Variants in PRKCE observed in about 807,000 individuals in gnomAD.
PRKCE encodes protein kinase C epsilon.
PRKCE carries 16 observed loss-of-function variants against 85.4 expected under a neutral mutation model. That is an observed-to-expected ratio of 0.19 (90% CI 0.13 to 0.28). The LOEUF (loss-of-function observed/expected upper bound fraction) is 0.28. Ranked by LOEUF, PRKCE falls within the 10% of genes least tolerant of loss-of-function variation. The probability of loss-of-function intolerance (pLI) is 1.00; values close to 1 mark genes in which losing one functional copy is unlikely to be tolerated. For synonymous variants in PRKCE, 388 were observed against 371.5 expected (o/e 1.04, Z -0.51); for missense variants, 573 against 975.2 (o/e 0.59, Z 5.49).
At chr2:45,761,190 G>A (rs535275385) in intron 1 of PRKCE, among the ~76,000 whole-genome samples, 2 of 152,110 alleles carry the variant, frequency 1.3e-5, no homozygotes, top group East Asian at 1.9e-4. Flanking sequence ...AGCCGAGTGT[G>A]GTGGTGGGCG....
chr2:45,858,569 GC>G (rs1692870574), intron 2 of PRKCE, among the ~76,000 whole-genome samples: 1 of 152,080 alleles, frequency 6.6e-6, no homozygotes, highest in African/African-American at 2.4e-5. Flanking sequence ...GTGCCTTTCA[GC>G]CCCTGGGCAC....
intron 1 of PRKCE, among the ~76,000 whole-genome samples, chr2:45,761,056 G>A (rs1481312695): frequency 1.3e-5 from 2 of 152,060 alleles, no homozygotes; most frequent in Non-Finnish European, 2.9e-5. Flanking sequence ...GGCCGGGCAT[G>A]GTGGCTCACG....
rs539973753 is a variant in PRKCE at position 45,866,145 on chromosome 2, G to A, written c.412+23082G>A. ...GTTCGTTTTCTTTATAAATTACCCAGTCCCAGATATTTTGTTACAGCAGCA... is the reference window on the plus strand; with the variant it reads ...GTTCGTTTTCTTTATAAATTACCCAATCCCAGATATTTTGTTACAGCAGCA... On this transcript the variant is annotated intron_variant, in intron 2 of 14. Coordinates refer to ENST00000306156, the MANE Select transcript of PRKCE (RefSeq NM_005400.3). 2.0e-5 allele frequency among the ~76,000 whole-genome samples: 3 copies of A among 152,126 alleles called. No individual in the cohort carries two copies. In the East Asian group the frequency reaches 5.8e-4, roughly 29 times the overall value.
At chr2:46,118,186 G>C (rs1029571996) in intron 11 of PRKCE, among the ~76,000 whole-genome samples, 1 of 152,218 alleles carries the variant, frequency 6.6e-6, no homozygotes. Context: ...CAACTGGAGA[G>C]ACTCCTTTGA....
Position 45,905,777 on chromosome 2 carries a change from G to A in PRKCE, c.412+62714G>A, listed in dbSNP as rs1170980236. ...CCGGCCCATGCTCTTTATAGTCCCT[G>A]AACACACGTGTTGACCTGAACTGCT... On this transcript the variant is annotated intron_variant, in intron 2 of 14. Coordinates refer to ENST00000306156, the MANE Select transcript of PRKCE (RefSeq NM_005400.3). This position sits in a 1 kb window ranked among gnomAD's most constrained non-coding sequence, Gnocchi z 4.4. Among the ~76,000 whole-genome samples the A allele has an allele frequency of 6.6e-6, 1 of 152,204 alleles. No homozygotes were observed. Among genetic ancestry groups the A allele is most frequent in the Non-Finnish European group, 1.5e-5 (1 of 68,038 alleles).
chr2:45,890,685 C>G (rs1695659733), intron 2 of PRKCE, among the ~76,000 whole-genome samples: 1 of 152,140 alleles, frequency 6.6e-6, no homozygotes, highest in Non-Finnish European at 1.5e-5. Flanking sequence ...CTGGTCTTTT[C>G]AAAACTTTCT....
In PRKCE at chr2:46,187,595, A is replaced by T. The variant is rs1219369045; in HGVS notation, c.*2714A>T. 6.6e-6 allele frequency: 1 copy of T among 152,560 alleles called. No homozygotes were observed. Among genetic ancestry groups the T allele is most frequent in the Non-Finnish European group, 1.5e-5 (1 of 68,036 alleles). 9.5% of individuals were successfully genotyped at this position (152,560 alleles called of 1,614,324 possible). ...AAAAAAAAAATGGGAGTGCAAAAAA[A>T]ACAAAGCCAAAAAATATATGAAGGA... On this transcript the variant is annotated 3_prime_UTR_variant, in exon 15 of 15. Transcript: ENST00000306156.
chr2:45,882,883 T>TTGGAAG (rs1694984762), intron 2 of PRKCE, among the ~76,000 whole-genome samples: 1 of 152,226 alleles, frequency 6.6e-6, no homozygotes, highest in Non-Finnish European at 1.5e-5. Context: ...GCAAGCAGGC[T>TTGGAAG]CCCTGCAAAA....
chr2:45,909,445 G>A (rs1337037946), intron 2 of PRKCE, among the ~76,000 whole-genome samples: 1 of 152,164 alleles, frequency 6.6e-6, no homozygotes, highest in Non-Finnish European at 1.5e-5. Flanking sequence ...CCATTCCAAG[G>A]GAAGTTGTTA....
intron 1 of PRKCE, among the ~76,000 whole-genome samples, chr2:45,761,326 C>CAAAAAAA (rs370710295): frequency 4.9e-5 from 4 of 82,232 alleles, no homozygotes; most frequent in South Asian, 4.5e-4. Context: ...GACTCCATCT[C>CAAAAAAA]AAAAAAAAAA....
At chr2:46,031,590 TCGTG>T (rs1279282928) in intron 10 of PRKCE, among the ~76,000 whole-genome samples, 1 of 109,602 alleles carries the variant, frequency 9.1e-6, no homozygotes, top group African/African-American at 3.6e-5. Context: ...TACATTCTGC[TCGTG>T]TGTGTGTGTG....
intron 2 of PRKCE, among the ~76,000 whole-genome samples, chr2:45,892,517 G>A (rs557927718): frequency 6.6e-6 from 1 of 152,252 alleles, no homozygotes; most frequent in East Asian, 1.9e-4. Flanking sequence ...AAGCTGGAGT[G>A]AGGGAGGAGG....
At chr2:45,740,513 C>G (rs75049673) in intron 1 of PRKCE, among the ~76,000 whole-genome samples, 1 of 152,116 alleles carries the variant, frequency 6.6e-6, no homozygotes, top group South Asian at 2.1e-4. Flanking sequence ...CCACCTGACA[C>G]GTTCTTTAGG....
At chr2:45,888,754 A>C (rs1298744567) in intron 2 of PRKCE, among the ~76,000 whole-genome samples, 1 of 152,180 alleles carries the variant, frequency 6.6e-6, no homozygotes, top group Non-Finnish European at 1.5e-5. Context: ...ACCTGGCCAG[A>C]AATACTCTTC....
intron 1 of PRKCE, among the ~76,000 whole-genome samples, chr2:45,721,093 C>T (rs940227216): frequency 2.6e-5 from 4 of 152,174 alleles, no homozygotes; most frequent in African/African-American, 7.2e-5. Context: ...GGCGACACAG[C>T]GAGACTCCAT....
At chr2:45,976,692 C>T (rs1702476698) in intron 3 of PRKCE, 104 bp downstream of exon 3, 1 of 1,349,040 alleles carries the variant, frequency 7.4e-7, no homozygotes, top group East Asian at 2.3e-5. Flanking sequence ...TGCTGGTGTG[C>T]CTCGTTTCTT....
chr2:45,854,488 G>A (rs1692523751), intron 2 of PRKCE, among the ~76,000 whole-genome samples: 1 of 152,134 alleles, frequency 6.6e-6, no homozygotes, highest in Admixed American at 6.5e-5. Flanking sequence ...GAGGTATAGT[G>A]GGAGGAATCC....
rs1424842370 is a variant in PRKCE, at chr2:45,868,711, C to T, written c.412+25648C>T. Among the ~76,000 whole-genome samples the T allele has an allele frequency of 5.5e-5, 8 of 144,776 alleles. No individual in the cohort carries two copies. In the East Asian group the frequency reaches 6.3e-4, roughly 11 times the overall value. 95.0% of individuals were successfully genotyped at this position (144,776 alleles called of 152,430 possible). A position where few individuals can be genotyped will look rare whatever the true frequency, so the allele number is the denominator to read the frequency against. ...ACTTTGGGAGGCAGGCCGAGGTGGG[C>T]GGATCGTCTGAGGTCAGGAGTTCAA... On this transcript the variant is annotated intron_variant, in intron 2 of 14. Coordinates refer to ENST00000306156, the MANE Select transcript of PRKCE (RefSeq NM_005400.3).
intron 10 of PRKCE, among the ~76,000 whole-genome samples, chr2:46,034,456 G>A (rs971495961): frequency 6.6e-6 from 1 of 152,190 alleles, no homozygotes; most frequent in Non-Finnish European, 1.5e-5. Context: ...TCCTTGGTCG[G>A]AGTATCTTCC....
Sources: gnomAD v4.1 joint callset for allele counts (sites outside exome capture counted in the v4.1 genomes callset) on GRCh38, gnomAD v4.1.1 for gene constraint, Gnocchi (gnomAD v3.1) non-coding constraint, MANE v1.5 for transcripts, NCBI Gene and HGNC (gene_info 2026-07-23, HGNC 2026-07-21) for gene names.